Variants in ALDH1A2 observed in about 807,000 individuals in gnomAD.
The protein encoded by ALDH1A2 is aldehyde dehydrogenase 1 family member A2, also known as retinal dehydrogenase 2.
A neutral mutation model predicts 60.3 loss-of-function variants in ALDH1A2; 27 were observed. That is an observed-to-expected ratio of 0.45 (90% confidence interval 0.33 to 0.62). ALDH1A2 has a LOEUF of 0.62. ALDH1A2 is among the 20% of genes least tolerant of loss of function. The pLI is 0.02. For synonymous variants in ALDH1A2, 289 were observed against 232.4 expected (o/e 1.24, Z -2.21); for missense variants, 581 against 643.8 (o/e 0.90, Z 1.06).
Position 58,056,084 on chromosome 15 carries a change from T to C in ALDH1A2, c.117+9450A>G, listed in dbSNP as rs190009460. ...AGTACAACCACAGCTAATATTTAAGTACTTATTCTGTTCCAGATAATGTAA... is the reference window on the plus strand; with the variant it reads ...AGTACAACCACAGCTAATATTTAAGCACTTATTCTGTTCCAGATAATGTAA... On this transcript the variant is annotated intron_variant, in intron 1 of 12. Coordinates refer to ENST00000249750, the MANE Select transcript of ALDH1A2 (RefSeq NM_003888.4). 3.2e-3 allele frequency among the ~76,000 whole-genome samples: 483 copies of C among 152,240 alleles called. 4 individuals carry two copies. Among genetic ancestry groups the C allele is most frequent in the African/African-American group, 0.011 (463 of 41,564 alleles).
chr15:57,962,142 A>G lies in ALDH1A2; in HGVS notation c.1121T>C (p.Leu374Pro). Residue 374 changes from leucine to proline, a missense_variant, in exon 10 of 13, where the codon CTC becomes CCC. Leu to Pro is a moderately conservative substitution (Grantham distance 98, BLOSUM62 -3). This residue lies in a region of ALDH1A2 where 375 missense variants were observed against 469.7 expected (regional missense o/e 0.80). Coordinates refer to ENST00000249750, the MANE Select transcript of ALDH1A2 (RefSeq NM_003888.4). The part of the protein sequence containing the change: ...DKKQYNKILE[L>P]IQSGVAEGAK... ...GCCCTCAGCCACACCACTCTGGATG[A>G]GTTCCAAGATCTTGTTGTACTGTTT... The G allele has an allele frequency of 1.2e-6, 2 of 1,614,180 alleles. No homozygotes were observed. Among genetic ancestry groups the G allele is most frequent in the Non-Finnish European group, 1.7e-6 (2 of 1,180,008 alleles).
At position 58,013,731 on chromosome 15, in the gene ALDH1A2, G is replaced by A. The variant is rs557637142; in HGVS notation, c.363+127C>T. The A allele has an allele frequency of 5.3e-4, 683 of 1,299,746 alleles. 3 individuals carry two copies. In the African/African-American group the frequency reaches 6.4e-3, roughly 12 times the overall value. 80.5% of individuals were successfully genotyped at this position (1,299,746 alleles called of 1,614,324 possible). On this transcript the variant is annotated intron_variant, in intron 3 of 12. Transcript: ENST00000249750. Reference sequence around the variant, plus strand: ...CGTGCCACTGCGCTCCAGCCTGGGCGACAGAGCTAGACTCCGTCTCAAAAA... The same window carrying A: ...CGTGCCACTGCGCTCCAGCCTGGGCAACAGAGCTAGACTCCGTCTCAAAAA...
intron 4 of ALDH1A2, among the ~76,000 whole-genome samples, chr15:58,008,911 T>C (rs1320725363): frequency 6.6e-6 from 1 of 152,116 alleles, no homozygotes; most frequent in Non-Finnish European, 1.5e-5. Context: ...TTGCAAGTGA[T>C]GCTGGAAAAC....
intron 1 of ALDH1A2, among the ~76,000 whole-genome samples, chr15:58,048,112 G>A (rs565275360): frequency 6.6e-6 from 1 of 152,070 alleles, no homozygotes; most frequent in Admixed American, 6.6e-5. Context: ...AAAAGGAAAA[G>A]TCTTCACTAG....
rs1595645477 is a variant in ALDH1A2 at position 57,989,981 on chromosome 15, C to A, written c.798+2724G>T. ...GCAGTCCGCAGTCCAGCCTGGGCGA[C>A]AGAGCGAGACTCCGTCTCAAAAAAA... On this transcript the variant is annotated intron_variant, in intron 7 of 12. Coordinates refer to ENST00000249750, the MANE Select transcript of ALDH1A2 (RefSeq NM_003888.4). 8.8e-5 allele frequency among the ~76,000 whole-genome samples: 4 copies of A among 45,280 alleles called. No homozygotes were observed. The Admixed American group carries it at 9.7e-4, about 11-fold the overall frequency. 29.7% of individuals were successfully genotyped at this position (45,280 alleles called of 152,430 possible). A position where few individuals can be genotyped will look rare whatever the true frequency, so the allele number is the denominator to read the frequency against.
rs1449849686 is a variant in ALDH1A2 at position 58,001,453 on chromosome 15, G to A, written c.494-6314C>T. Among the ~76,000 whole-genome samples the A allele has an allele frequency of 2.6e-5, 4 of 151,776 alleles. No homozygotes were observed. In the South Asian group the frequency reaches 6.2e-4, roughly 24 times the overall value. ...GAACACATGGAAACTTGTTATAAAG[G>A]GAACACTACAGAGAAACATTCCCTG... is the stretch of plus-strand genomic sequence containing the variant. On this transcript the variant is annotated intron_variant, in intron 4 of 12. Coordinates refer to ENST00000249750, the MANE Select transcript of ALDH1A2 (RefSeq NM_003888.4).
At chr15:57,965,552 C>T (rs1456872485) in intron 8 of ALDH1A2, among the ~76,000 whole-genome samples, 173 bp downstream of exon 8, 3 of 152,162 alleles carry the variant, frequency 2.0e-5, no homozygotes, top group African/African-American at 7.2e-5. Context: ...GTTCAGTCGT[C>T]AACTGAAAAG....
At position 58,014,120 on chromosome 15, in the gene ALDH1A2, C is replaced by T. The variant is rs1250301692; in HGVS notation, c.222+57G>A. The T allele has an allele frequency of 2.9e-5, 47 of 1,613,906 alleles. No homozygotes were observed. In the South Asian group the frequency reaches 3.8e-4, roughly 13 times the overall value. On this transcript the variant is annotated intron_variant, in intron 2 of 12. Transcript: ENST00000249750. Reference sequence around the variant, plus strand: ...GTGTACTGAGAGCATATGTTTGCTGCTCTGCTGTTTGAAGGCAGTTATTTC... The same window carrying T: ...GTGTACTGAGAGCATATGTTTGCTGTTCTGCTGTTTGAAGGCAGTTATTTC...
chr15:57,958,154 T>C (rs890940282), intron 12 of ALDH1A2, among the ~76,000 whole-genome samples: 1 of 152,110 alleles, frequency 6.6e-6, no homozygotes, highest in Admixed American at 6.5e-5. Flanking sequence ...ATACGCATGC[T>C]TAACAAAACC....
chr15:58,065,574 A>C lies in ALDH1A2; in HGVS notation c.77T>G (p.Leu26Arg). Residue 26 changes from leucine to arginine, a missense_variant, in exon 1 of 13, where the codon CTG (leucine) becomes CGG (arginine). Around this residue, in one of 2 missense-constraint regions of ALDH1A2, gnomAD observed 206 missense variants for 174.1 expected, o/e 1.18. Transcript: ENST00000249750. ...PAALMASLHL[L>R]PSPTPNLEIK... ...TTCGAGATTGGGCGTGGGCGACGGCAGGAGGTGCAGCGACGCCATGAGGGC... is the reference window on the plus strand; with the variant it reads ...TTCGAGATTGGGCGTGGGCGACGGCCGGAGGTGCAGCGACGCCATGAGGGC... 6.2e-7 allele frequency: 1 copy of C among 1,613,508 alleles called. No homozygotes were observed. The highest frequency in any genetic ancestry group is 8.5e-7 in the Non-Finnish European group (1 of 1,179,676).
intron 1 of ALDH1A2, chr15:58,058,198 T>G: frequency 2.6e-6 from 2 of 771,652 alleles, no homozygotes; most frequent in Non-Finnish European, 4.2e-6. Context: ...CCCCTCCTCC[T>G]TCCCACCTGA....
chr15:58,039,510 T>C (rs750150805), intron 1 of ALDH1A2, among the ~76,000 whole-genome samples: 11 of 151,840 alleles, frequency 7.2e-5, no homozygotes, highest in Admixed American at 2.0e-4. Flanking sequence ...CTGGAATCGA[T>C]GTTAATTAAG....
At chr15:57,955,388 C>T in intron 12 of ALDH1A2, 119 bp from the exon 13 acceptor site, 2 of 1,065,804 alleles carry the variant, frequency 1.9e-6, no homozygotes, top group African/African-American at 1.6e-5. Flanking sequence ...CTGGGATGTT[C>T]ATGTAAAAAT....
At position 57,978,460 on chromosome 15, in the gene ALDH1A2, T is replaced by C. The variant is rs144624378; in HGVS notation, c.799-12633A>G. On this transcript the variant is annotated intron_variant, in intron 7 of 12. Transcript: ENST00000249750. ...TGAGATAATCATGTGGTTTTTGTCA[T>C]TGGTTCCGTTTGTGATATATTACAT... Among the ~76,000 whole-genome samples the C allele has an allele frequency of 7.9e-5, 12 of 152,374 alleles. No individual in the cohort carries two copies. In the East Asian group the frequency reaches 2.1e-3, roughly 27 times the overall value.
intron 7 of ALDH1A2, among the ~76,000 whole-genome samples, chr15:57,970,801 C>T (rs755786831): frequency 1.3e-5 from 2 of 152,126 alleles, no homozygotes; most frequent in African/African-American, 4.8e-5. Context: ...CTTGTAATAT[C>T]TTTTCATAAA....
chr15:57,980,680 CA>C (rs1158593352), intron 7 of ALDH1A2: 5 of 174,290 alleles, frequency 2.9e-5, no homozygotes, highest in Non-Finnish European at 6.6e-5. Context: ...CCACACGGGA[CA>C]GGGGTGGATA....
chr15:58,002,659 C>T (rs901455898), intron 4 of ALDH1A2, among the ~76,000 whole-genome samples: 1 of 151,276 alleles, frequency 6.6e-6, no homozygotes, highest in Admixed American at 6.6e-5. Flanking sequence ...ACTAAGAACA[C>T]TACAAGAACT....
In ALDH1A2 at chr15:58,013,910, C is replaced by T. The variant is rs769522277; in HGVS notation, c.311G>A (p.Arg104His). The change falls in exon 3 of 13, where the codon CGT becomes CAT. Residue 104 changes from arginine to histidine, a missense_variant. Physicochemically the swap from Arg to His is conservative, Grantham distance 29. Coordinates refer to ENST00000249750, the MANE Select transcript of ALDH1A2 (RefSeq NM_003888.4). The part of the protein sequence containing the change: ...WRRMDASERG[R>H]LLDKLADLVE... ...CAAGTCTGCAAGCTTATCCAACAGA[C>T]GTCCCCTTTCTGAAGCATCCATCCT... 9.3e-6 allele frequency: 15 copies of T among 1,614,024 alleles called. No homozygotes were observed. The highest frequency in any genetic ancestry group is 2.7e-5 in the African/African-American group (2 of 74,904).
chr15:58,033,403 A>G (rs2140544250), intron 1 of ALDH1A2, among the ~76,000 whole-genome samples: 1 of 151,932 alleles, frequency 6.6e-6, no homozygotes, highest in Non-Finnish European at 1.5e-5. Context: ...TCATTTTATA[A>G]TGCAGTTACT....
Sources: gnomAD v4.1 joint callset for allele counts (sites outside exome capture counted in the v4.1 genomes callset) on GRCh38, gnomAD v4.1.1 for gene constraint, gnomAD v4.1.1 regional missense constraint, MANE v1.5 for transcripts, NCBI Gene and HGNC (gene_info 2026-07-23, HGNC 2026-07-21) for gene names.